FAT3: variants seen among roughly 807,000 people sequenced by gnomAD.
The protein encoded by FAT3 is protocadherin Fat 3.
Under a neutral mutation model 310.2 loss-of-function variants are expected in FAT3, and 95 were observed. That is an observed-to-expected ratio of 0.31 (90% CI 0.26 to 0.36). The LOEUF (loss-of-function observed/expected upper bound fraction) is 0.36. Ranked by LOEUF, FAT3 falls within the 10% of genes least tolerant of loss-of-function variation. The pLI, the probability that FAT3 is intolerant of heterozygous loss-of-function variation, is 1.00. For missense variants in FAT3, 5,408 were observed against 5,715.6 expected (o/e 0.95, Z 1.74); for synonymous variants, 2,314 against 2,192.9 (o/e 1.06, Z -1.54).
At chr11:92,510,304 A>G (rs1953248868) in intron 2 of FAT3, among the ~76,000 whole-genome samples, 2 of 152,056 alleles carry the variant, frequency 1.3e-5, no homozygotes, top group Admixed American at 6.6e-5. Flanking sequence ...CTAGGTTTCA[A>G]CCTTCCTTTC....
At chr11:92,765,408 A>T (rs1001589808) in intron 6 of FAT3, among the ~76,000 whole-genome samples, 7 of 151,992 alleles carry the variant, frequency 4.6e-5, no homozygotes, top group African/African-American at 1.7e-4. Flanking sequence ...AAATGTATTG[A>T]TGGTACTAGA....
intron 2 of FAT3, among the ~76,000 whole-genome samples, chr11:92,522,880 T>C (rs536771011): frequency 2.0e-5 from 3 of 152,286 alleles, no homozygotes; most frequent in East Asian, 3.9e-4. Context: ...ATATGTATGA[T>C]GTTTCTCCCA....
chr11:92,504,992 T>C (rs1189367370), intron 2 of FAT3, among the ~76,000 whole-genome samples: 5 of 152,066 alleles, frequency 3.3e-5, no homozygotes, highest in African/African-American at 1.2e-4. Flanking sequence ...AAAGTGTGTG[T>C]ATTATTGAGG....
intron 2 of FAT3, among the ~76,000 whole-genome samples, chr11:92,508,261 A>G (rs1412804262): frequency 6.6e-6 from 1 of 152,130 alleles, no homozygotes; most frequent in Non-Finnish European, 1.5e-5. Flanking sequence ...CAACCCCAGT[A>G]AAAATGTTTT....
At chr11:92,506,858 T>C (rs939742352) in intron 2 of FAT3, among the ~76,000 whole-genome samples, 5 of 152,194 alleles carry the variant, frequency 3.3e-5, no homozygotes, top group African/African-American at 7.2e-5. Context: ...CATTTAAATA[T>C]AGAAATTTTT....
chr11:92,837,533 G>A (rs1001246109), intron 16 of FAT3, 130 bp from the exon 17 acceptor site: 60 of 1,117,478 alleles, frequency 5.4e-5, no homozygotes, highest in East Asian at 4.1e-4. Context: ...AGAATCACCC[G>A]GTCTGGAAAA....
intron 3 of FAT3, among the ~76,000 whole-genome samples, chr11:92,644,609 G>T (rs1942083408): frequency 1.3e-5 from 2 of 152,126 alleles, no homozygotes; most frequent in East Asian, 1.9e-4. Context: ...TGAGTTCACG[G>T]ACACATGTGA....
intron 3 of FAT3, among the ~76,000 whole-genome samples, chr11:92,567,362 C>T (rs1219555061): frequency 1.3e-5 from 2 of 150,536 alleles, no homozygotes; most frequent in African/African-American, 2.5e-5. Flanking sequence ...GTTAGAATGG[C>T]AATCATTAAA....
chr11:92,534,120 G>A (rs900128124), intron 3 of FAT3, among the ~76,000 whole-genome samples: 4 of 152,094 alleles, frequency 2.6e-5, no homozygotes, highest in Non-Finnish European at 4.4e-5. Context: ...CATTGTTAGG[G>A]AGACTCCTAG....
intron 1 of FAT3, among the ~76,000 whole-genome samples, chr11:92,261,856 C>CT (rs1401459739): frequency 6.6e-6 from 1 of 151,994 alleles, no homozygotes; most frequent in Non-Finnish European, 1.5e-5. Context: ...TTTTACCATT[C>CT]TTTTTTATTT....
chr11:92,627,265 T>TA (rs527597872), intron 3 of FAT3, among the ~76,000 whole-genome samples: 72 of 152,328 alleles, frequency 4.7e-4, no homozygotes, highest in African/African-American at 1.7e-3. Context: ...AGTGTCTCTC[T>TA]ATGAGCAAAT....
chr11:92,350,886 G>A (rs1285546841), intron 1 of FAT3, among the ~76,000 whole-genome samples: 1 of 152,138 alleles, frequency 6.6e-6, no homozygotes, highest in Non-Finnish European at 1.5e-5. Flanking sequence ...TCAAGGGCTT[G>A]CAGAGTATAA....
intron 3 of FAT3, among the ~76,000 whole-genome samples, chr11:92,631,410 AG>A (rs1676777918): frequency 6.6e-6 from 1 of 152,074 alleles, no homozygotes; most frequent in Admixed American, 6.5e-5. Context: ...TGTAATCCCC[AG>A]GTGTTGAGGG....
At chr11:92,394,783 A>G (rs1029684517) in intron 2 of FAT3, among the ~76,000 whole-genome samples, 3 of 152,196 alleles carry the variant, frequency 2.0e-5, no homozygotes, top group African/African-American at 7.2e-5. Flanking sequence ...ATAGGAAAAA[A>G]TTTGTTATTA....
chr11:92,243,466 A>T (rs917768075), intron 1 of FAT3, among the ~76,000 whole-genome samples: 5 of 148,910 alleles, frequency 3.4e-5, no homozygotes, highest in Admixed American at 6.7e-5. Context: ...GCCTTGATTT[A>T]AAAAAAAAAG....
At chr11:92,541,443 T>A (rs1029155401) in intron 3 of FAT3, among the ~76,000 whole-genome samples, 9 of 152,314 alleles carry the variant, frequency 5.9e-5, no homozygotes, top group Non-Finnish European at 1.3e-4. Flanking sequence ...ACATTTGAAC[T>A]GTTTTCAAAA....
At chr11:92,523,568 A>C (rs2135357205) in intron 2 of FAT3, among the ~76,000 whole-genome samples, 2 of 152,310 alleles carry the variant, frequency 1.3e-5, no homozygotes, top group South Asian at 2.1e-4. Flanking sequence ...TTTAGACAAA[A>C]GTTTAACAGG....
At chr11:92,889,672 A>T (rs185397064) in intron 26 of FAT3, among the ~76,000 whole-genome samples, 184 bp from the exon 27 acceptor site, 1 of 152,330 alleles carries the variant, frequency 6.6e-6, no homozygotes, top group Admixed American at 6.5e-5. Context: ...AATGTGATTT[A>T]TCTGTTTTGT....
At position 92,890,506 on chromosome 11, in the gene FAT3, C is replaced by A; in HGVS notation, c.13163C>A (p.Thr4388Asn). ...QNYNRAYHWDTSDWMPGARLS... is the reference protein window; with the variant it reads ...QNYNRAYHWDNSDWMPGARLS... Reference sequence around the variant, plus strand: ...TCTCTTGCAGCCTATCACTGGGACACCTCTGATTGGATGCCAGGGGCCCGC... The same window carrying A: ...TCTCTTGCAGCCTATCACTGGGACAACTCTGATTGGATGCCAGGGGCCCGC... The change falls in exon 28 of 28, where the codon ACC becomes AAC. Residue 4388 changes from threonine (T) to asparagine (N), a missense_variant. Thr to Asn is a moderately conservative substitution (Grantham distance 65, BLOSUM62 0). Around this residue, in one of 5 missense-constraint regions of FAT3, gnomAD observed 649 missense variants for 666.2 expected, o/e 0.97. Coordinates refer to ENST00000525166, the MANE Select transcript of FAT3 (RefSeq NM_001367949.2). The A allele has an allele frequency of 6.2e-7, 1 of 1,612,662 alleles. No individual in the cohort carries two copies. The highest frequency in any genetic ancestry group is 8.5e-7 in the Non-Finnish European group (1 of 1,179,320).
Sources: allele counts gnomAD v4.1 joint callset (sites outside exome capture counted in the v4.1 genomes callset), GRCh38; gene constraint gnomAD v4.1.1; regional missense constraint gnomAD v4.1.1; transcripts MANE v1.5; gene names NCBI Gene and HGNC (gene_info 2026-07-23, HGNC 2026-07-21).